SUSD6: variants seen among roughly 807,000 people sequenced by gnomAD.
The protein encoded by SUSD6 is sushi domain-containing protein 6.
SUSD6 carries 16 observed loss-of-function variants against 28.4 expected under a neutral mutation model. The observed-to-expected ratio is 0.56, with a 90% CI of 0.38 to 0.86. The LOEUF is 0.86. SUSD6 is among the 40% of genes least tolerant of loss of function. The pLI is 0.00. For synonymous variants in SUSD6, 147 were observed against 159.6 expected, an observed-to-expected ratio of 0.92 and a Z score of 0.59; for missense variants, 341 against 384.2, an observed-to-expected ratio of 0.89 and a Z score of 0.94.
chr14:69,703,363 A>G (rs1886338952), intron 2 of SUSD6, 32 bp from the exon 3 acceptor site: 1 of 1,580,478 alleles, frequency 6.3e-7, no homozygotes, highest in Non-Finnish European at 8.7e-7. Context: ...ATACCTCACC[A>G]CTGTACCCCT....
intron 4 of SUSD6, among the ~76,000 whole-genome samples, chr14:69,706,651 T>G (rs557654307): frequency 6.6e-6 from 1 of 152,050 alleles, no homozygotes; most frequent in South Asian, 2.1e-4. Context: ...TTTATAGATA[T>G]GGGTTTCGCC....
chr14:69,623,294 G>A (rs925740979), intron 1 of SUSD6, among the ~76,000 whole-genome samples: 1 of 152,140 alleles, frequency 6.6e-6, no homozygotes, highest in Non-Finnish European at 1.5e-5. Context: ...ATATATGATG[G>A]TGGTTCCATA....
At chr14:69,671,729 G>T (rs1314480787) in intron 2 of SUSD6, among the ~76,000 whole-genome samples, 1 of 152,200 alleles carries the variant, frequency 6.6e-6, no homozygotes, top group African/African-American at 2.4e-5. Flanking sequence ...TCTGTGATTT[G>T]ATGTGTTCAG....
intron 4 of SUSD6, among the ~76,000 whole-genome samples, chr14:69,706,274 C>A (rs1323401027): frequency 6.6e-6 from 1 of 152,052 alleles, no homozygotes; most frequent in African/African-American, 2.4e-5. Context: ...GAGTTTTCCC[C>A]CCTATAGTTA....
At chr14:69,687,057 C>G (rs944433080) in intron 2 of SUSD6, among the ~76,000 whole-genome samples, 24 of 152,176 alleles carry the variant, frequency 1.6e-4, no homozygotes, top group African/African-American at 5.5e-4. Flanking sequence ...TTACTGCAAC[C>G]TCCGCCTCCT....
intron 2 of SUSD6, among the ~76,000 whole-genome samples, chr14:69,667,518 A>G (rs1885762021): frequency 6.6e-6 from 1 of 151,472 alleles, no homozygotes. Flanking sequence ...CTGGGACTAC[A>G]GACACCCGCC....
rs144870128 is a variant in SUSD6 at position 69,622,885 on chromosome 14, C to T, written c.-81+11057C>T. On this transcript the variant is annotated intron_variant, in intron 1 of 5. Transcript: ENST00000342745. ...TTGGGATTGCAGGCGTGAGCCACAGCGTCCGGCCAAACTGCTTTCATGTAA... is the reference window on the plus strand; with the variant it reads ...TTGGGATTGCAGGCGTGAGCCACAGTGTCCGGCCAAACTGCTTTCATGTAA... 3.3e-5 allele frequency among the ~76,000 whole-genome samples: 5 copies of T among 152,302 alleles called. 1 individual carries two copies. The East Asian group carries it at 7.7e-4, about 24-fold the overall frequency.
chr14:69,695,465 A>G lies in SUSD6; in HGVS notation c.122-7930A>G, dbSNP rs141469063. Among the ~76,000 whole-genome samples the G allele has an allele frequency of 1.6e-3, 248 of 152,292 alleles. 1 individual carries two copies. Among genetic ancestry groups the G allele is most frequent in the African/African-American group, 5.4e-3 (223 of 41,544 alleles). ...CCCGCCAACTTTAGACAAATTTGCA[A>G]ATGTCAGAAGAGATCTCAGAGGTGA... On this transcript the variant is annotated intron_variant, in intron 2 of 5. Coordinates refer to ENST00000342745, the MANE Select transcript of SUSD6 (RefSeq NM_014734.4).
chr14:69,624,058 TACC>T, intron 1 of SUSD6, among the ~76,000 whole-genome samples: 1 of 152,350 alleles, frequency 6.6e-6, no homozygotes, highest in South Asian at 2.1e-4. Context: ...TTCACTCACT[TACC>T]CAGGGCAATT....
intron 1 of SUSD6, among the ~76,000 whole-genome samples, chr14:69,620,144 A>G (rs1441476956): frequency 6.6e-6 from 1 of 152,154 alleles, no homozygotes; most frequent in Non-Finnish European, 1.5e-5. Flanking sequence ...TCAATCCTCC[A>G]TCTGCCTCCA....
chr14:69,683,791 G>A (rs1280858584), intron 2 of SUSD6, among the ~76,000 whole-genome samples: 3 of 152,238 alleles, frequency 2.0e-5, no homozygotes, highest in East Asian at 3.8e-4. Context: ...GGGAAGATTT[G>A]CATATGAGGA....
intron 1 of SUSD6, among the ~76,000 whole-genome samples, chr14:69,645,532 G>A (rs1885413487): frequency 6.6e-6 from 1 of 152,206 alleles, no homozygotes; most frequent in African/African-American, 2.4e-5. Flanking sequence ...TAAACACAGA[G>A]TGTGGAAGTG....
intron 5 of SUSD6, 122 bp downstream of exon 5, chr14:69,709,226 G>A (rs1886429113): frequency 1.1e-6 from 1 of 900,366 alleles, no homozygotes; most frequent in Non-Finnish European, 1.7e-6. Flanking sequence ...TAGTACCTGG[G>A]GTATTTGCCT....
chr14:69,646,036 C>T, intron 1 of SUSD6, among the ~76,000 whole-genome samples: 1 of 152,208 alleles, frequency 6.6e-6, no homozygotes, highest in East Asian at 1.9e-4. Flanking sequence ...AAGCGTGAGC[C>T]ACTGCGCCTG....
intron 2 of SUSD6, among the ~76,000 whole-genome samples, chr14:69,702,587 G>A (rs757271155): frequency 2.0e-5 from 3 of 152,238 alleles, no homozygotes; most frequent in Non-Finnish European, 4.4e-5. Context: ...AGCTCATGGG[G>A]TAGAAGCAAT....
At chr14:69,630,229 A>C (rs1885173924) in intron 1 of SUSD6, among the ~76,000 whole-genome samples, 1 of 152,236 alleles carries the variant, frequency 6.6e-6, no homozygotes, top group African/African-American at 2.4e-5. Flanking sequence ...ATGGCACAGC[A>C]GGTAAGTAGC....
At chr14:69,703,204 C>T (rs1312058221) in intron 2 of SUSD6, among the ~76,000 whole-genome samples, 191 bp from the exon 3 acceptor site, 1 of 152,162 alleles carries the variant, frequency 6.6e-6, no homozygotes, top group Admixed American at 6.5e-5. Context: ...AGCCACTTCC[C>T]CTGTTGCCAG....
intron 1 of SUSD6, among the ~76,000 whole-genome samples, chr14:69,642,008 A>G (rs912725723): frequency 8.5e-5 from 13 of 152,100 alleles, no homozygotes; most frequent in Non-Finnish European, 4.4e-5. Flanking sequence ...ATCCTTGTCT[A>G]CTAGTTCTGT....
At chr14:69,681,051 G>A (rs1158277808) in intron 2 of SUSD6, among the ~76,000 whole-genome samples, 1 of 152,178 alleles carries the variant, frequency 6.6e-6, no homozygotes, top group African/African-American at 2.4e-5. Context: ...ACAAAAGGAA[G>A]ATGCCTTTTT....
Sources: allele counts gnomAD v4.1 joint callset (sites outside exome capture counted in the v4.1 genomes callset), GRCh38; gene constraint gnomAD v4.1.1; transcripts MANE v1.5; gene names NCBI Gene and HGNC (gene_info 2026-07-23, HGNC 2026-07-21).